NHSL3: variants seen among roughly 807,000 people sequenced by gnomAD.
NHSL3 encodes NHS like 3.
chr1:32,756,560 G>C, the NHSL3 span, among the ~76,000 whole-genome samples: 3 of 145,044 alleles, frequency 2.1e-5, no homozygotes, highest in African/African-American at 7.7e-5. Flanking sequence ...TTGAGAGGCT[G>C]AGGTGAGGGG....
At chr1:32,770,978 G>A in the NHSL3 span, 1 of 1,610,754 alleles carries the variant, frequency 6.2e-7, no homozygotes, top group Non-Finnish European at 8.5e-7. The surrounding 1 kb of genome is among the most constrained non-coding windows in gnomAD (Gnocchi z 8.3). Context: ...GGCCTGGCAG[G>A]TCCCCCTGCT....
chr1:32,754,995 T>G, the NHSL3 span, among the ~76,000 whole-genome samples: 4 of 149,470 alleles, frequency 2.7e-5, no homozygotes, highest in African/African-American at 4.9e-5. Context: ...GCCACCGAGC[T>G]GGAACGCAGC....
the NHSL3 span, among the ~76,000 whole-genome samples, chr1:32,752,438 T>A: frequency 1.3e-5 from 2 of 152,246 alleles, no homozygotes; most frequent in East Asian, 3.9e-4. Flanking sequence ...TGCTCTACCA[T>A]GTTGCCTCTA....
the NHSL3 span, among the ~76,000 whole-genome samples, chr1:32,745,557 C>CAA: frequency 1.1e-5 from 1 of 91,402 alleles, no homozygotes; most frequent in Admixed American, 1.1e-4. Context: ...GACTAGGTCT[C>CAA]AAAAAAAAAA....
the NHSL3 span, among the ~76,000 whole-genome samples, chr1:32,749,064 G>C: frequency 4.6e-5 from 7 of 152,158 alleles, no homozygotes; most frequent in Non-Finnish European, 1.0e-4. Flanking sequence ...GTGTGTATAG[G>C]GGGGAAAATA....
chr1:32,772,140 G>A, the NHSL3 span: 1 of 1,613,224 alleles, frequency 6.2e-7, no homozygotes, highest in African/African-American at 1.3e-5. Flanking sequence ...AGCGGCCCGT[G>A]TCCCCTGAGA....
chr1:32,765,733 G>T, the NHSL3 span: 1 of 1,546,546 alleles, frequency 6.5e-7, no homozygotes. Flanking sequence ...GGAGAGGCAG[G>T]GTGGGATAGG....
the NHSL3 span, chr1:32,769,625 C>T: frequency 4.3e-6 from 6 of 1,393,518 alleles, no homozygotes; most frequent in African/African-American, 7.1e-5. Flanking sequence ...GCAGAATGTG[C>T]CTGGAGTCCT....
At chr1:32,764,679 G>T in the NHSL3 span, among the ~76,000 whole-genome samples, 1 of 152,032 alleles carries the variant, frequency 6.6e-6, no homozygotes, top group South Asian at 2.1e-4. Flanking sequence ...ACCATGTTGG[G>T]CCAGGCTGAT....
At chr1:32,745,529 G>A in the NHSL3 span, among the ~76,000 whole-genome samples, 1 of 141,072 alleles carries the variant, frequency 7.1e-6, no homozygotes, top group East Asian at 2.1e-4. Context: ...CTGTACTCCA[G>A]CCTGGGCGAC....
At chr1:32,748,533 A>G in the NHSL3 span, among the ~76,000 whole-genome samples, 3 of 151,824 alleles carry the variant, frequency 2.0e-5, no homozygotes, top group African/African-American at 7.3e-5. Context: ...GCTCCCCTTC[A>G]CTTTGCTATC....
the NHSL3 span, chr1:32,771,645 T>C: frequency 6.2e-7 from 1 of 1,612,654 alleles, no homozygotes; most frequent in East Asian, 2.2e-5. Context: ...CCTCCTCAGC[T>C]ACTGCTTTGC....
chr1:32,751,528 C>T, the NHSL3 span, among the ~76,000 whole-genome samples: 1 of 152,124 alleles, frequency 6.6e-6, no homozygotes, highest in African/African-American at 2.4e-5. Context: ...TGTCTGAAGG[C>T]AAGTTCTGGG....
At chr1:32,742,249 C>T in the NHSL3 span, 2 of 1,232,508 alleles carry the variant, frequency 1.6e-6, no homozygotes, top group Non-Finnish European at 2.0e-6. Context: ...GCCGAGGGGG[C>T]TCTGCCGGGG....
the NHSL3 span, among the ~76,000 whole-genome samples, chr1:32,765,212 G>A: frequency 7.2e-5 from 11 of 152,354 alleles, no homozygotes; most frequent in Admixed American, 3.3e-4. Flanking sequence ...TGTGTCCTGG[G>A]ACTGGCCCCT....
the NHSL3 span, among the ~76,000 whole-genome samples, chr1:32,755,771 T>C: frequency 6.6e-6 from 1 of 152,254 alleles, no homozygotes; most frequent in African/African-American, 2.4e-5. Context: ...TCTCAGAAGG[T>C]AGGTGTTGAT....
At chr1:32,771,879 C>G in the NHSL3 span, 1 of 1,593,196 alleles carries the variant, frequency 6.3e-7, no homozygotes, top group Non-Finnish European at 8.6e-7. Context: ...GGGCTCCCAC[C>G]CCAGCACTGG....
At chr1:32,754,930 C>A in the NHSL3 span, among the ~76,000 whole-genome samples, 5 of 152,056 alleles carry the variant, frequency 3.3e-5, no homozygotes, top group South Asian at 2.1e-4. Context: ...GCCTCCCCCC[C>A]TCCCCCGTCC....
the NHSL3 span, chr1:32,772,729 C>A: frequency 2.2e-6 from 2 of 910,546 alleles, no homozygotes; most frequent in Non-Finnish European, 3.6e-6. Context: ...TGTAGGGTGT[C>A]CAGCCCAGTG....
Sources: allele counts gnomAD v4.1 joint callset (sites outside exome capture counted in the v4.1 genomes callset), GRCh38; gene constraint gnomAD v4.1.1; non-coding constraint Gnocchi (gnomAD v3.1); transcripts MANE v1.5; gene names NCBI Gene and HGNC (gene_info 2026-07-23, HGNC 2026-07-21).